The following CROCC2 variants were observed in gnomAD, a reference collection of about 807,000 sequenced individuals.
CROCC2 encodes the protein ciliary rootlet coiled-coil, rootletin family member 2.
Under a neutral mutation model 177.6 loss-of-function variants are expected in CROCC2, and 163 were observed. That is an observed-to-expected ratio of 0.92 (90% CI 0.81 to 1.05). CROCC2 has a LOEUF of 1.05. Ranked by LOEUF, CROCC2 falls within the 50% of genes least tolerant of loss-of-function variation. The pLI is 0.00. For synonymous variants in CROCC2, 904 were observed against 787.3 expected, an observed-to-expected ratio of 1.15 and a Z score of -2.48; for missense variants, 1,929 against 1,797.8, an observed-to-expected ratio of 1.07 and a Z score of -1.32.
intron 14 of CROCC2, among the ~76,000 whole-genome samples, chr2:240,939,640 T>C (rs1003899533): frequency 1.3e-5 from 2 of 152,194 alleles, no homozygotes; most frequent in African/African-American, 4.8e-5. Context: ...AGAAAGCATT[T>C]GATAATGAAT....
At chr2:240,955,515 T>G in intron 18 of CROCC2, 1 of 241,704 alleles carries the variant, frequency 4.1e-6, no homozygotes, top group Non-Finnish European at 8.0e-6. Flanking sequence ...GGGATGGGGG[T>G]GGCTCATGAA....
intron 1 of CROCC2, among the ~76,000 whole-genome samples, chr2:240,909,685 G>A (rs2059275354): frequency 6.6e-6 from 1 of 152,208 alleles, no homozygotes; most frequent in Non-Finnish European, 1.5e-5. Context: ...AATTCCCACT[G>A]TCCCCAGGAA....
At chr2:240,990,499 C>T (rs1407979930) in intron 30 of CROCC2, among the ~76,000 whole-genome samples, 1 of 152,202 alleles carries the variant, frequency 6.6e-6, no homozygotes, top group African/African-American at 2.4e-5. Context: ...AAGTTAGGGT[C>T]CCCAACCACC....
At chr2:240,981,332 C>T (rs2059798160) in intron 27 of CROCC2, among the ~76,000 whole-genome samples, 1 of 152,176 alleles carries the variant, frequency 6.6e-6, no homozygotes, top group African/African-American at 2.4e-5. Flanking sequence ...GCACTCAGCT[C>T]TGGGGGAGAA....
chr2:240,912,991 C>A (rs1054957881), intron 1 of CROCC2, among the ~76,000 whole-genome samples: 3 of 152,198 alleles, frequency 2.0e-5, no homozygotes, highest in Non-Finnish European at 4.4e-5. Flanking sequence ...ACAAGCAAGC[C>A]AGAGGCAGAT....
In CROCC2 at chr2:240,962,503, G is replaced by GGGGAGCGGAC. The variant is rs199934962; in HGVS notation, c.3088-1048_3088-1047insCGGACGGGAG. Among the ~76,000 whole-genome samples the GGGGAGCGGAC allele has an allele frequency of 1.4e-3, 217 of 152,300 alleles. 1 individual carries two copies. The East Asian group carries it at 0.029, about 20-fold the overall frequency. On this transcript the variant is annotated intron_variant, in intron 20 of 31. Coordinates refer to ENST00000690015, the MANE Select transcript of CROCC2 (RefSeq NM_001351305.2). Reference sequence around the variant, plus strand: ...ACGTGTGGGGGTGGAGGGGAGCGGAGGGGAGGCTCTGGCCCTTCCCAAAAA... The same window carrying GGGGAGCGGAC: ...ACGTGTGGGGGTGGAGGGGAGCGGAGGGGAGCGGACGGGAGGCTCTGGCCCTTCCCAAAAA...
chr2:240,982,683 C>T lies in CROCC2; in HGVS notation c.4402-197C>T. ...TCGTCTCAGGCTTCCTGGGGGTCCACACCTTTGAGGTTACATTGCAAACAC... is the reference window on the plus strand; with the variant it reads ...TCGTCTCAGGCTTCCTGGGGGTCCATACCTTTGAGGTTACATTGCAAACAC... On this transcript the variant is annotated intron_variant, in intron 27 of 31. Transcript: ENST00000690015. The surrounding 1 kb of genome is among the most constrained non-coding windows in gnomAD (Gnocchi z 4.7). 1.9e-6 allele frequency: 1 copy of T among 525,808 alleles called. No individual in the cohort carries two copies. The highest frequency in any genetic ancestry group is 3.3e-6 in the Non-Finnish European group (1 of 301,194). 32.6% of individuals were successfully genotyped at this position (525,808 alleles called of 1,614,324 possible).
chr2:240,958,110 A>G lies in CROCC2; in HGVS notation c.2944-1191A>G. 1.0e-6 allele frequency: 1 copy of G among 985,320 alleles called. No homozygotes were observed. The highest frequency in any genetic ancestry group is 1.7e-5 in the African/African-American group (1 of 57,324). 61.0% of individuals were successfully genotyped at this position (985,320 alleles called of 1,614,324 possible). On this transcript the variant is annotated intron_variant, in intron 19 of 31. Coordinates refer to ENST00000690015, the MANE Select transcript of CROCC2 (RefSeq NM_001351305.2). The surrounding 1 kb of genome is among the most constrained non-coding windows in gnomAD (Gnocchi z 6.7). ...TTTGCCACCTCGGCTCAGAAAATGG[A>G]AATTAAAACTGTTGAGAGGAGCGGG...
rs773365357 is a variant in CROCC2, at chr2:240,906,546, G to C, written c.33G>C (p.Gly11=). 1.3e-4 allele frequency: 52 copies of C among 399,032 alleles called. No individual in the cohort carries two copies. The highest frequency in any genetic ancestry group is 2.1e-4 in the Non-Finnish European group (47 of 226,156). 24.7% of individuals were successfully genotyped at this position (399,032 alleles called of 1,614,324 possible). A position where few individuals can be genotyped will look rare whatever the true frequency, so the allele number is the denominator to read the frequency against. MSSASSEPGN[G]DASQQPLLGL... ...CTGCCTCCAGTGAGCCTGGCAATGG[G>C]GACGCCTCCCAACAGCCCCTACTGG... The change falls in exon 1 of 32, where the codon GGG becomes GGC. Residue 11 remains glycine, a synonymous_variant. Transcript: ENST00000690015.
chr2:240,954,553 C>T (rs772998038), intron 18 of CROCC2: 2 of 152,252 alleles, frequency 1.3e-5, no homozygotes, highest in Non-Finnish European at 2.9e-5. Flanking sequence ...TGCACCCTCC[C>T]CGTGAGCCAG....
Position 240,958,275 on chromosome 2 carries a change from C to A in CROCC2, c.2944-1026C>A. 2.4e-6 allele frequency: 2 copies of A among 826,170 alleles called. No individual in the cohort carries two copies. The highest frequency in any genetic ancestry group is 2.9e-6 in the Non-Finnish European group (2 of 684,358). The allele number at this position is 826,170 out of a possible 1,614,324, so 51.2% of individuals were successfully genotyped here. ...CTCACAGGGGTATCCTGCAGCCAGGCCTCAGGGGCACCCATCACTGGCAGT... is the reference window on the plus strand; with the variant it reads ...CTCACAGGGGTATCCTGCAGCCAGGACTCAGGGGCACCCATCACTGGCAGT... On this transcript the variant is annotated intron_variant, in intron 19 of 31. Transcript: ENST00000690015. The surrounding 1 kb of genome is among the most constrained non-coding windows in gnomAD (Gnocchi z 6.7).
chr2:240,974,347 CTTTT>C (rs57051056), intron 27 of CROCC2, among the ~76,000 whole-genome samples: 1 of 127,080 alleles, frequency 7.9e-6, no homozygotes, highest in Non-Finnish European at 1.7e-5. Context: ...TTTTAGTTTA[CTTTT>C]TTTTTTTTTT....
intron 13 of CROCC2, 40 bp from the exon 14 acceptor site, chr2:240,935,318 T>G: frequency 7.6e-7 from 1 of 1,322,780 alleles, no homozygotes; most frequent in Non-Finnish European, 9.7e-7. Context: ...GGACCGAGGA[T>G]GGGGGGAGTG....
intron 28 of CROCC2, among the ~76,000 whole-genome samples, chr2:240,987,001 C>T (rs951980004): frequency 2.0e-5 from 3 of 152,232 alleles, no homozygotes; most frequent in Non-Finnish European, 4.4e-5. Context: ...AGGACAGTCA[C>T]GAAAGCCACC....
intron 10 of CROCC2, 25 bp from the exon 11 acceptor site, chr2:240,933,645 C>A (rs756745831): frequency 6.5e-7 from 1 of 1,548,366 alleles, no homozygotes. Flanking sequence ...CAGGGCCGCC[C>A]CAACTCTGCC....
rs561918626 is a variant in CROCC2 at position 240,926,533 on chromosome 2, C to T, written c.645+653C>T. Among the ~76,000 whole-genome samples the T allele has an allele frequency of 3.1e-4, 47 of 152,382 alleles. 2 individuals are homozygous for T. The East Asian group carries it at 5.6e-3, about 18-fold the overall frequency. ...AGCCCTCCAGCAAAGGGGGACTGGA[C>T]GCCCAGCCCCTGCATGCTATGGGCA... On this transcript the variant is annotated intron_variant, in intron 5 of 31. Transcript: ENST00000690015.
intron 5 of CROCC2, among the ~76,000 whole-genome samples, chr2:240,926,842 T>A (rs2059398244): frequency 6.6e-6 from 1 of 152,236 alleles, no homozygotes; most frequent in Admixed American, 6.5e-5. Flanking sequence ...AGCCGTGCTA[T>A]CAGCAAGGAG....
At chr2:240,986,853 C>T (rs1043394907) in intron 28 of CROCC2, among the ~76,000 whole-genome samples, 9 of 152,136 alleles carry the variant, frequency 5.9e-5, no homozygotes, top group African/African-American at 2.2e-4. Flanking sequence ...CAGGGGGCCC[C>T]CATCTGTGAA....
intron 5 of CROCC2, among the ~76,000 whole-genome samples, chr2:240,928,420 T>TTTTGTGTGTGTGTG (rs373283458): frequency 6.8e-6 from 1 of 147,666 alleles, no homozygotes; most frequent in East Asian, 2.0e-4. Context: ...TGTGCCTGTT[T>TTTTGTGTGTGTGTG]TGTGTGTGTG....
Sources: allele counts gnomAD v4.1 joint callset (sites outside exome capture counted in the v4.1 genomes callset), GRCh38; gene constraint gnomAD v4.1.1; non-coding constraint Gnocchi (gnomAD v3.1); transcripts MANE v1.5; gene names NCBI Gene and HGNC (gene_info 2026-07-23, HGNC 2026-07-21).